The following TSHZ3 variants were observed in gnomAD, a reference collection of about 807,000 sequenced individuals.
TSHZ3 encodes the protein teashirt zinc finger homeobox 3.
A neutral mutation model predicts 64.5 loss-of-function variants in TSHZ3; 10 were observed. That is an observed-to-expected ratio of 0.16 (90% CI 0.10 to 0.26). The LOEUF (loss-of-function observed/expected upper bound fraction) is 0.26, where lower values mean the gene tolerates loss of function less well. Ranked by LOEUF, TSHZ3 falls within the 10% of genes least tolerant of loss-of-function variation. The pLI is 1.00. For synonymous variants in TSHZ3, 608 were observed against 593.1 expected, an observed-to-expected ratio of 1.03 and a Z score of -0.36; for missense variants, 1,242 against 1,421.7, an observed-to-expected ratio of 0.87 and a Z score of 2.03.
At chr19:31,262,826 C>A (rs1257750839) in intron 1 of TSHZ3, among the ~76,000 whole-genome samples, 1 of 152,148 alleles carries the variant, frequency 6.6e-6, no homozygotes, top group African/African-American at 2.4e-5. Flanking sequence ...CACATTCCAA[C>A]CCCTGAAAAG....
At chr19:31,186,154 CAT>C (rs556969901) in intron 5 of TSHZ3, among the ~76,000 whole-genome samples, 11 of 152,144 alleles carry the variant, frequency 7.2e-5, no homozygotes, top group Admixed American at 2.0e-4. Context: ...CTTTTGCAGA[CAT>C]ATATTTTGAT....
At chr19:31,221,697 A>C (rs1414049495) in intron 4 of TSHZ3, among the ~76,000 whole-genome samples, 1 of 152,106 alleles carries the variant, frequency 6.6e-6, no homozygotes, top group Non-Finnish European at 1.5e-5. Context: ...CCTAACACAA[A>C]ATGGTGGCCT....
Position 31,290,085 on chromosome 19 carries a change from A to G in TSHZ3, c.41-10333T>C, listed in dbSNP as rs570095015. ...CCTTCTCAGGGGAACCACACCTGCC[A>G]TATCAGCTGTGTCTGACGCCACCCG... On this transcript the variant is annotated intron_variant, in intron 1 of 1. Coordinates refer to ENST00000240587, the MANE Select transcript of TSHZ3 (RefSeq NM_020856.4). Among the ~76,000 whole-genome samples, 11 of 152,280 alleles carry G rather than the reference A, an allele frequency of 7.2e-5. No individual in the cohort carries two copies. In the East Asian group the frequency reaches 1.8e-3, roughly 24 times the overall value.
chr19:31,325,096 G>A (rs928586155), intron 1 of TSHZ3, among the ~76,000 whole-genome samples: 11 of 152,214 alleles, frequency 7.2e-5, no homozygotes, highest in African/African-American at 2.2e-4. Flanking sequence ...GCTGTGCTCC[G>A]TAGGAACTAA....
chr19:31,210,852 G>C (rs1975252566), intron 4 of TSHZ3, among the ~76,000 whole-genome samples: 1 of 152,204 alleles, frequency 6.6e-6, no homozygotes, highest in Non-Finnish European at 1.5e-5. Flanking sequence ...TGAATACAGT[G>C]TTAACTGTGT....
chr19:31,333,500 G>A (rs1030356458), intron 1 of TSHZ3, among the ~76,000 whole-genome samples: 2 of 152,094 alleles, frequency 1.3e-5, no homozygotes, highest in African/African-American at 4.8e-5. Flanking sequence ...ACAGTCCCTT[G>A]AACCAGCAAA....
intron 1 of TSHZ3, among the ~76,000 whole-genome samples, chr19:31,316,851 C>T (rs1051624345): frequency 2.0e-5 from 3 of 152,260 alleles, no homozygotes; most frequent in Non-Finnish European, 2.9e-5. Context: ...CGCTGTGTCA[C>T]TGAACAGTCT....
intron 3 of TSHZ3, among the ~76,000 whole-genome samples, chr19:31,233,723 C>T (rs1270787992): frequency 7.2e-5 from 11 of 152,024 alleles, no homozygotes; most frequent in Admixed American, 2.0e-4. Context: ...CATTATGCTC[C>T]GAACCTACGA....
Position 31,277,722 on chromosome 19 carries a change from C to T in TSHZ3, c.2071G>A (p.Gly691Ser), listed in dbSNP as rs1163185282. The T allele has an allele frequency of 6.6e-7, 1 of 1,522,498 alleles. No homozygotes were observed. Among genetic ancestry groups the T allele is most frequent in the East Asian group, 2.3e-5 (1 of 44,076 alleles). 94.3% of individuals were successfully genotyped at this position (1,522,498 alleles called of 1,614,324 possible). The part of the protein sequence containing the change: ...GSPLAEPVEN[G>S]KELVKPLASS... ...GCTAGGGGCTTCACCAGCTCCTTGC[C>T]ATTCTCCACCGGCTCAGCGAGGGGG... is the stretch of plus-strand genomic sequence containing the variant. The change falls in exon 2 of 2, where the codon GGC becomes AGC. Residue 691 changes from glycine (G) to serine (S), a missense_variant. Gly to Ser is a moderately conservative substitution (Grantham distance 56). Around this residue, in one of 4 missense-constraint regions of TSHZ3, gnomAD observed 550 missense variants for 545.1 expected, o/e 1.01. Coordinates refer to ENST00000240587, the MANE Select transcript of TSHZ3 (RefSeq NM_020856.4). The surrounding 1 kb of genome is among the most constrained non-coding windows in gnomAD (Gnocchi z 4.5).
At chr19:31,244,285 G>T (rs1314678813) in intron 1 of TSHZ3, among the ~76,000 whole-genome samples, 1 of 151,958 alleles carries the variant, frequency 6.6e-6, no homozygotes, top group East Asian at 1.9e-4. Context: ...TTGTTTAAAA[G>T]TGTGTGCACC....
intron 5 of TSHZ3, among the ~76,000 whole-genome samples, chr19:31,169,812 G>A (rs1187658807): frequency 1.3e-5 from 2 of 152,122 alleles, no homozygotes; most frequent in Non-Finnish European, 2.9e-5. Context: ...AGGAATATCT[G>A]GGATTTGGTT....
chr19:31,225,009 G>A (rs2145170794), intron 4 of TSHZ3, among the ~76,000 whole-genome samples: 2 of 152,308 alleles, frequency 1.3e-5, no homozygotes, highest in Middle Eastern at 3.4e-3. Flanking sequence ...TCTGAACACT[G>A]CAATGTGCTG....
chr19:31,251,954 G>A (rs1052929358), intron 1 of TSHZ3, among the ~76,000 whole-genome samples: 4 of 152,172 alleles, frequency 2.6e-5, no homozygotes, highest in African/African-American at 7.2e-5. Flanking sequence ...CCTGGAGCTC[G>A]GGTGGTTTCC....
chr19:31,212,444 T>C (rs1274483133), intron 4 of TSHZ3, among the ~76,000 whole-genome samples: 1 of 151,748 alleles, frequency 6.6e-6, no homozygotes, highest in African/African-American at 2.4e-5. Flanking sequence ...GGTGACAGAG[T>C]GAAACTGTGT....
intron 4 of TSHZ3, among the ~76,000 whole-genome samples, chr19:31,226,864 G>A (rs1196016882): frequency 6.6e-6 from 1 of 151,534 alleles, no homozygotes; most frequent in Non-Finnish European, 1.5e-5. Flanking sequence ...ATAGGCATCT[G>A]TGATTTGTCT....
At chr19:31,300,219 G>A (rs1183132938) in intron 1 of TSHZ3, among the ~76,000 whole-genome samples, 3 of 152,086 alleles carry the variant, frequency 2.0e-5, no homozygotes, top group South Asian at 2.1e-4. Context: ...AATGTTCTAC[G>A]AGACTACTCT....
Position 31,277,621 on chromosome 19 carries a change from G to A in TSHZ3, c.2172C>T (p.Ala724=). The A allele has an allele frequency of 1.3e-6, 2 of 1,571,104 alleles. No individual in the cohort carries two copies. The highest frequency in any genetic ancestry group is 1.7e-6 in the Non-Finnish European group (2 of 1,159,068). ...PEQPFVNPLS[A]LQSVMNIHLG... is the part of the protein sequence containing the mutation. ...GGTGAATGTTCATGACTGACTGCAG[G>A]GCGCTCAAAGGGTTAACAAAAGGCT... The change falls in exon 2 of 2, where the codon GCC becomes GCT. Residue 724 remains alanine (A), a synonymous_variant. Coordinates refer to ENST00000240587, the MANE Select transcript of TSHZ3 (RefSeq NM_020856.4). The surrounding 1 kb of genome is among the most constrained non-coding windows in gnomAD (Gnocchi z 4.5).
chr19:31,325,596 T>A (rs1916911153), intron 1 of TSHZ3, among the ~76,000 whole-genome samples: 1 of 152,212 alleles, frequency 6.6e-6, no homozygotes, highest in Admixed American at 6.5e-5. Context: ...ATGTGTGTGA[T>A]CTTTTTGGAG....
At chr19:31,329,909 T>C (rs1361859549) in intron 1 of TSHZ3, among the ~76,000 whole-genome samples, 2 of 152,170 alleles carry the variant, frequency 1.3e-5, no homozygotes, top group African/African-American at 4.8e-5. Context: ...GTGTGTTTTT[T>C]TTCCACACCA....
Sources: allele counts gnomAD v4.1 joint callset (sites outside exome capture counted in the v4.1 genomes callset), GRCh38; gene constraint gnomAD v4.1.1; regional missense constraint gnomAD v4.1.1; non-coding constraint Gnocchi (gnomAD v3.1); transcripts MANE v1.5; gene names NCBI Gene and HGNC (gene_info 2026-07-23, HGNC 2026-07-21).